Variants in TMEM117 observed in about 807,000 individuals in gnomAD.
TMEM117 encodes transmembrane protein 117.
A neutral mutation model predicts 52.4 loss-of-function variants in TMEM117; 27 were observed. The observed-to-expected ratio is 0.51, with a 90% CI of 0.38 to 0.71. The LOEUF (loss-of-function observed/expected upper bound fraction) is 0.71. TMEM117 is among the 30% of genes least tolerant of loss of function. TMEM117 has a pLI of 0.00. For synonymous variants in TMEM117, 215 were observed against 206.3 expected, an observed-to-expected ratio of 1.04 and a Z score of -0.36; for missense variants, 556 against 630.5, an observed-to-expected ratio of 0.88 and a Z score of 1.26.
chr12:44,169,315 A>C (rs1008316647), intron 4 of TMEM117, among the ~76,000 whole-genome samples: 3 of 152,242 alleles, frequency 2.0e-5, no homozygotes, highest in African/African-American at 7.2e-5. Flanking sequence ...CCAGCAATGC[A>C]CAAGGATTCC....
At chr12:44,326,366 T>G (rs1233070475) in intron 6 of TMEM117, among the ~76,000 whole-genome samples, 1 of 152,188 alleles carries the variant, frequency 6.6e-6, no homozygotes, top group African/African-American at 2.4e-5. Flanking sequence ...TATGTTAAGC[T>G]GAATGTTCTG....
intron 3 of TMEM117, among the ~76,000 whole-genome samples, chr12:44,013,396 C>T (rs1013562266): frequency 6.6e-6 from 1 of 152,120 alleles, no homozygotes; most frequent in African/African-American, 2.4e-5. Context: ...CAGTTTTTCC[C>T]CAACTTAGGC....
At chr12:44,180,036 C>T (rs1164743949) in intron 4 of TMEM117, among the ~76,000 whole-genome samples, 1 of 152,072 alleles carries the variant, frequency 6.6e-6, no homozygotes, top group African/African-American at 2.4e-5. Flanking sequence ...ACTAACACCA[C>T]CTAGAAGTGA....
chr12:44,321,679 GA>G lies in TMEM117; in HGVS notation c.768+21941del, dbSNP rs569368188. On this transcript the variant is annotated intron_variant, in intron 6 of 7. Transcript: ENST00000266534. ...CATTAGGAGTAAAAACTTATATTAT[GA>G]TGGGTGAAAAAACTATGCCTAACGA... is the stretch of plus-strand genomic sequence containing the variant. 9.1e-4 allele frequency among the ~76,000 whole-genome samples: 138 copies of G among 152,184 alleles called. 1 individual carries two copies. Among genetic ancestry groups the G allele is most frequent in the Admixed American group, 1.8e-3 (27 of 15,268 alleles).
chr12:44,278,885 A>G (rs1950545992), intron 5 of TMEM117, among the ~76,000 whole-genome samples: 1 of 152,170 alleles, frequency 6.6e-6, no homozygotes, highest in South Asian at 2.1e-4. Flanking sequence ...TAGATATCAC[A>G]TGATCCTTTC....
rs200978228 is a variant in TMEM117, at chr12:44,282,732, AT to A, written c.609-16846del. 2.7e-3 allele frequency among the ~76,000 whole-genome samples: 414 copies of A among 152,336 alleles called. 4 individuals carry two copies. The highest frequency in any genetic ancestry group is 0.022 in the Admixed American group (332 of 15,304). On this transcript the variant is annotated intron_variant, in intron 5 of 7. Transcript: ENST00000266534. ...AGAAAAGTCCATTTTCTGGGGAGAA[AT>A]TCAAGCCAGCTGCAGAAATTTACAT...
chr12:43,879,749 T>A (rs1209363070), intron 2 of TMEM117, among the ~76,000 whole-genome samples: 1 of 152,242 alleles, frequency 6.6e-6, no homozygotes, highest in Non-Finnish European at 1.5e-5. Context: ...TTCAACTAAC[T>A]GTTAATTTGT....
chr12:44,203,557 G>A (rs1327698363), intron 4 of TMEM117, among the ~76,000 whole-genome samples: 1 of 152,080 alleles, frequency 6.6e-6, no homozygotes, highest in Non-Finnish European at 1.5e-5. Context: ...TTGTTAATCT[G>A]AGATCCTTTT....
intron 3 of TMEM117, among the ~76,000 whole-genome samples, chr12:44,040,519 A>T (rs553252268): frequency 6.6e-6 from 1 of 152,164 alleles, no homozygotes; most frequent in South Asian, 2.1e-4. Context: ...AAATTTCTTC[A>T]TAATTTGAAT....
intron 4 of TMEM117, among the ~76,000 whole-genome samples, chr12:44,186,729 T>G (rs1054106270): frequency 6.6e-6 from 1 of 152,152 alleles, no homozygotes. Context: ...CACTCTTCAC[T>G]TTATAATGAT....
intron 6 of TMEM117, among the ~76,000 whole-genome samples, chr12:44,308,899 G>A (rs1215363925): frequency 6.6e-6 from 1 of 152,148 alleles, no homozygotes; most frequent in Non-Finnish European, 1.5e-5. Flanking sequence ...GATTATAGAC[G>A]TCAGCCACTG....
intron 5 of TMEM117, among the ~76,000 whole-genome samples, chr12:44,273,806 T>C (rs937099836): frequency 2.6e-5 from 4 of 152,042 alleles, no homozygotes; most frequent in African/African-American, 9.7e-5. Flanking sequence ...AAACTGGGTA[T>C]AGAAGGAACA....
chr12:44,056,242 T>C (rs1453197482), intron 3 of TMEM117, among the ~76,000 whole-genome samples: 4 of 152,136 alleles, frequency 2.6e-5, no homozygotes, highest in Non-Finnish European at 5.9e-5. Context: ...CTGCACTCCA[T>C]TGTATACACA....
chr12:44,060,017 C>G (rs921080492), intron 3 of TMEM117, among the ~76,000 whole-genome samples: 1 of 151,936 alleles, frequency 6.6e-6, no homozygotes, highest in Admixed American at 6.6e-5. Context: ...GAATTTGGAA[C>G]AAAAAATGAG....
At chr12:43,992,444 T>C (rs1047041684) in intron 3 of TMEM117, among the ~76,000 whole-genome samples, 2 of 152,012 alleles carry the variant, frequency 1.3e-5, no homozygotes. Context: ...ATTTCTTTTT[T>C]GTTTTTTAAA....
chr12:44,232,431 T>C (rs1244231236), intron 5 of TMEM117, among the ~76,000 whole-genome samples: 3 of 151,490 alleles, frequency 2.0e-5, no homozygotes, highest in Admixed American at 1.3e-4. Context: ...TATTTGTGGG[T>C]CTATTTTTTA....
the TMEM117 span, among the ~76,000 whole-genome samples, chr12:43,816,721 T>A: frequency 6.6e-6 from 1 of 152,232 alleles, no homozygotes; most frequent in South Asian, 2.1e-4. Context: ...TCCAAATTTC[T>A]CAGGCTTTTA....
chr12:43,831,736 G>T (rs1942983780), upstream of TMEM117, among the ~76,000 whole-genome samples: 2 of 152,108 alleles, frequency 1.3e-5, no homozygotes, highest in South Asian at 4.2e-4. Context: ...TAGAGATGGG[G>T]TTTCACCATA....
chr12:43,826,399 A>G, the TMEM117 span, among the ~76,000 whole-genome samples: 1 of 152,112 alleles, frequency 6.6e-6, no homozygotes, highest in Admixed American at 6.6e-5. Flanking sequence ...GGCTAGATCT[A>G]CTCCCCATAT....
Sources: gnomAD v4.1 joint callset for allele counts (sites outside exome capture counted in the v4.1 genomes callset) on GRCh38, gnomAD v4.1.1 for gene constraint, MANE v1.5 for transcripts, NCBI Gene and HGNC (gene_info 2026-07-23, HGNC 2026-07-21) for gene names.